BFSP1: variants seen among roughly 807,000 people sequenced by gnomAD.
BFSP1 encodes beaded filament structural protein 1, also known as filensin.
A neutral mutation model predicts 43.9 loss-of-function variants in BFSP1; 38 were observed. The ratio of observed to expected loss-of-function variants is 0.87; its 90% CI spans 0.67 to 1.14. The LOEUF (loss-of-function observed/expected upper bound fraction) is 1.14. Ranked by LOEUF, BFSP1 falls within the 50% of genes most tolerant of loss-of-function variation. BFSP1 has a pLI of 0.00. For synonymous variants in BFSP1, 352 were observed against 354.8 expected (o/e 0.99, Z 0.09); for missense variants, 850 against 875.1 (o/e 0.97, Z 0.36).
intron 1 of BFSP1, among the ~76,000 whole-genome samples, chr20:17,546,510 G>A (rs998549004): frequency 6.6e-6 from 1 of 152,118 alleles, no homozygotes; most frequent in Admixed American, 6.5e-5. Context: ...AGACCAGCCT[G>A]GACCAACATG....
At chr20:17,566,854 A>G (rs1395850462) in intron 1 of BFSP1, among the ~76,000 whole-genome samples, 1 of 152,062 alleles carries the variant, frequency 6.6e-6, no homozygotes, top group Non-Finnish European at 1.5e-5. Flanking sequence ...GGGTTTCACC[A>G]TCTTGGCCAG....
chr20:17,494,923 G>A lies in BFSP1; in HGVS notation c.1149C>T (p.Asn383=), dbSNP rs758874244. The A allele has an allele frequency of 5.8e-5, 93 of 1,613,990 alleles. No individual in the cohort carries two copies. The highest frequency in any genetic ancestry group is 6.8e-5 in the Non-Finnish European group (80 of 1,180,006). The change falls in exon 8 of 8, where the codon AAC becomes AAT. Residue 383 remains asparagine (N), a synonymous_variant. Coordinates refer to ENST00000377873, the MANE Select transcript of BFSP1 (RefSeq NM_001195.5). ...RKEIITKDKT[N]GALEDAPLKG... is the part of the protein sequence containing the mutation. ...TTAATGGTGCATCTTCCAGAGCTCC[G>A]TTGGTTTTGTCTTTTGTTATAATCT... is the stretch of plus-strand genomic sequence containing the variant.
rs532715474 is a variant in BFSP1 at position 17,568,941 on chromosome 20, C to A, written n.50+230G>T. ...GTTCCCTTTATTTCCCACAAAAACA[C>A]CCGCAGCAAAAACGCTGGGATTCAT... On this transcript the variant is annotated intron_variant and non_coding_transcript_variant, in intron 1 of 6. Coordinates refer to the BFSP1 transcript ENST00000473415. Among the ~76,000 whole-genome samples the A allele has an allele frequency of 5.9e-5, 9 of 152,294 alleles. No homozygotes were observed. The South Asian group carries it at 1.9e-3, about 32-fold the overall frequency.
At chr20:17,512,789 A>G (rs541746461) in intron 3 of BFSP1, among the ~76,000 whole-genome samples, 29 of 152,326 alleles carry the variant, frequency 1.9e-4, no homozygotes, top group Non-Finnish European at 3.5e-4. Context: ...TGTTTCAAAG[A>G]ATGGGCTTTG....
chr20:17,536,654 T>G (rs2034633604), intron 1 of BFSP1, among the ~76,000 whole-genome samples: 1 of 152,236 alleles, frequency 6.6e-6, no homozygotes, highest in Non-Finnish European at 1.5e-5. Context: ...TGTTTTGCCT[T>G]TTAGTCAATT....
chr20:17,529,192 C>T (rs1485497947), intron 1 of BFSP1, among the ~76,000 whole-genome samples: 2 of 151,954 alleles, frequency 1.3e-5, no homozygotes, highest in African/African-American at 4.8e-5. Flanking sequence ...CCTGCCTCAG[C>T]CTCCCGGGTA....
chr20:17,568,803 G>A (rs6034856), intron 1 of BFSP1, among the ~76,000 whole-genome samples: 151,129 of 152,038 alleles, frequency 0.99, 75,117 homozygotes, highest in Middle Eastern at 1. Context: ...ACGTAGTGCC[G>A]GAAAAAAAAA....
chr20:17,550,487 G>A (rs6044878), intron 1 of BFSP1, among the ~76,000 whole-genome samples: 18 of 139,142 alleles, frequency 1.3e-4, no homozygotes, highest in Non-Finnish European at 2.4e-4. Context: ...TTTTTGAGAC[G>A]GAGTTTCACT....
At chr20:17,526,546 A>G (rs1008201850) in intron 1 of BFSP1, among the ~76,000 whole-genome samples, 2 of 152,146 alleles carry the variant, frequency 1.3e-5, no homozygotes, top group Non-Finnish European at 2.9e-5. Context: ...TATCGACCAC[A>G]TTTTGTTTAC....
chr20:17,503,318 T>C (rs925964145), intron 5 of BFSP1, among the ~76,000 whole-genome samples: 6 of 152,226 alleles, frequency 3.9e-5, no homozygotes, highest in Non-Finnish European at 5.9e-5. Context: ...GCGTGAGCCA[T>C]AGCACCTATA....
At chr20:17,564,555 T>C (rs1372087152) in intron 1 of BFSP1, among the ~76,000 whole-genome samples, 1 of 152,136 alleles carries the variant, frequency 6.6e-6, no homozygotes, top group Non-Finnish European at 1.5e-5. Context: ...CTTACTAAAC[T>C]ACCACTTCTT....
At chr20:17,497,625 C>T (rs1476093418) in intron 6 of BFSP1, among the ~76,000 whole-genome samples, 1 of 146,640 alleles carries the variant, frequency 6.8e-6, no homozygotes, top group East Asian at 2.1e-4. Context: ...TACATATACA[C>T]ACACATATAT....
At chr20:17,518,834 C>T (rs182693399) in intron 2 of BFSP1, among the ~76,000 whole-genome samples, 1 of 152,348 alleles carries the variant, frequency 6.6e-6, no homozygotes, top group African/African-American at 2.4e-5. Context: ...GCATCCCTCC[C>T]TCAGGAGAGC....
At chr20:17,511,453 A>G (rs1568690507) in intron 4 of BFSP1, among the ~76,000 whole-genome samples, 1 of 152,208 alleles carries the variant, frequency 6.6e-6, no homozygotes, top group Non-Finnish European at 1.5e-5. Context: ...TAAATGGGCA[A>G]GAGGCTTGAG....
chr20:17,507,268 GGTAGGTGT>G lies in BFSP1; in HGVS notation c.735+1613_735+1620del, dbSNP rs1190535956. 5.1e-5 allele frequency among the ~76,000 whole-genome samples: 7 copies of G among 137,832 alleles called. No individual in the cohort carries two copies. Among genetic ancestry groups the G allele is most frequent in the South Asian group, 4.8e-4 (2 of 4,192 alleles). The allele number at this position is 137,832 out of a possible 152,430, so 90.4% of individuals were successfully genotyped here. On this transcript the variant is annotated intron_variant, in intron 5 of 7. Coordinates refer to ENST00000377873, the MANE Select transcript of BFSP1 (RefSeq NM_001195.5). The surrounding 1 kb of genome is among the most constrained non-coding windows in gnomAD (Gnocchi z 4.4). ...CATTGCGAGCCATACACATCAGATA[GGTAGGTGT>G]GTGTGTGTGTGTGTGTGTGTGTGTG...
intron 1 of BFSP1, among the ~76,000 whole-genome samples, chr20:17,564,934 C>CTT (rs59967108): frequency 2.1e-5 from 3 of 142,764 alleles, no homozygotes; most frequent in African/African-American, 2.6e-5. Flanking sequence ...ACCCATGTAA[C>CTT]TTTTTTTTTT....
chr20:17,527,452 G>A (rs7262783), intron 1 of BFSP1, among the ~76,000 whole-genome samples: 4,440 of 152,236 alleles, frequency 0.029, 221 homozygotes, highest in African/African-American at 0.1. Flanking sequence ...TGATTTCCGG[G>A]CGCGGTGGCT....
chr20:17,523,566 G>A (rs1031554187), intron 2 of BFSP1, among the ~76,000 whole-genome samples: 5 of 151,330 alleles, frequency 3.3e-5, no homozygotes, highest in Admixed American at 1.3e-4. Context: ...CGAGGCCATC[G>A]TTTTCCAAGC....
chr20:17,537,820 G>A (rs1344958313), intron 1 of BFSP1, among the ~76,000 whole-genome samples: 1 of 152,090 alleles, frequency 6.6e-6, no homozygotes, highest in Non-Finnish European at 1.5e-5. Context: ...ATTACGACAT[G>A]TAAGAAAATG....
Sources: allele counts gnomAD v4.1 joint callset (sites outside exome capture counted in the v4.1 genomes callset), GRCh38; gene constraint gnomAD v4.1.1; non-coding constraint Gnocchi (gnomAD v3.1); transcripts MANE v1.5; gene names NCBI Gene and HGNC (gene_info 2026-07-23, HGNC 2026-07-21).